SLC22A15: variants seen among roughly 807,000 people sequenced by gnomAD.
SLC22A15 encodes the protein solute carrier family 22 member 15, also known as flipt 1.
In SLC22A15, 45 loss-of-function variants were observed where a neutral mutation model predicts 62.7. The ratio of observed to expected loss-of-function variants is 0.72; its 90% CI spans 0.56 to 0.92. SLC22A15 has a LOEUF of 0.92. Ranked by LOEUF, SLC22A15 falls within the 40% of genes least tolerant of loss-of-function variation. The pLI is 0.00. For synonymous variants in SLC22A15, 264 were observed against 267.0 expected, an observed-to-expected ratio of 0.99 and a Z score of 0.11; for missense variants, 622 against 665.6, an observed-to-expected ratio of 0.93 and a Z score of 0.72.
intron 8 of SLC22A15, 33 bp from the exon 9 acceptor site, chr1:116,062,729 G>T: frequency 6.2e-7 from 1 of 1,612,724 alleles, no homozygotes. Context: ...TTTCAACTGT[G>T]GGTCTCACAG....
intron 1 of SLC22A15, among the ~76,000 whole-genome samples, chr1:115,985,820 G>A (rs1238078085): frequency 6.6e-6 from 1 of 151,614 alleles, no homozygotes; most frequent in African/African-American, 2.4e-5. Context: ...GGTGGCGGGT[G>A]CCTGTAATCC....
chr1:115,981,359 C>A (rs1654600588), intron 1 of SLC22A15, among the ~76,000 whole-genome samples: 1 of 152,206 alleles, frequency 6.6e-6, no homozygotes, highest in Admixed American at 6.5e-5. Flanking sequence ...TCAGTTTGAG[C>A]AAGTTTTATG....
At chr1:116,064,571 T>C in intron 10 of SLC22A15, 63 bp downstream of exon 10, 1 of 1,125,770 alleles carries the variant, frequency 8.9e-7, no homozygotes, top group South Asian at 1.3e-5. Flanking sequence ...CTTATGCTTT[T>C]TAGTAGAAAG....
intron 1 of SLC22A15, among the ~76,000 whole-genome samples, chr1:115,986,989 G>A (rs17035062): frequency 6.6e-6 from 1 of 152,116 alleles, no homozygotes; most frequent in Non-Finnish European, 1.5e-5. Context: ...AGTCATGTTA[G>A]GGGAATTGAA....
At chr1:115,995,142 G>GTA (rs1303236102) in intron 2 of SLC22A15, among the ~76,000 whole-genome samples, 1 of 152,074 alleles carries the variant, frequency 6.6e-6, no homozygotes, top group Non-Finnish European at 1.5e-5. Flanking sequence ...CCCTCTCAGG[G>GTA]TATCATATCA....
At chr1:116,014,104 T>C (rs1219670086) in intron 2 of SLC22A15, 6 of 152,134 alleles carry the variant, frequency 3.9e-5, no homozygotes. Context: ...AGAATATAAA[T>C]ATCAAAAAAA....
At chr1:115,996,092 C>T (rs1403142025) in intron 2 of SLC22A15, among the ~76,000 whole-genome samples, 1 of 152,118 alleles carries the variant, frequency 6.6e-6, no homozygotes, top group Admixed American at 6.6e-5. Flanking sequence ...ACTGATCTGC[C>T]TTCTTATACT....
intron 2 of SLC22A15, among the ~76,000 whole-genome samples, chr1:116,016,285 C>T (rs541550321): frequency 1.3e-3 from 194 of 151,936 alleles, no homozygotes; most frequent in African/African-American, 2.3e-3. Context: ...ACCTCCCAGG[C>T]TCACTGTAAT....
chr1:115,985,840 G>A (rs148077244), intron 1 of SLC22A15, among the ~76,000 whole-genome samples: 3,614 of 151,176 alleles, frequency 0.024, 146 homozygotes, highest in African/African-American at 0.084. Context: ...CCAGCTACTC[G>A]GGAGGCTGAG....
At chr1:116,066,896 G>T in intron 11 of SLC22A15, 123 bp from the exon 12 acceptor site, 1 of 944,998 alleles carries the variant, frequency 1.1e-6, no homozygotes, top group Non-Finnish European at 1.6e-6. Context: ...TATTTTAGGG[G>T]CTATTTCTTG....
At chr1:115,983,791 T>G (rs1654724388) in intron 1 of SLC22A15, among the ~76,000 whole-genome samples, 1 of 152,154 alleles carries the variant, frequency 6.6e-6, no homozygotes, top group South Asian at 2.1e-4. Context: ...TGCAGCCTCG[T>G]GACTGTGCCA....
Position 116,068,090 on chromosome 1 carries a change from C to T in SLC22A15, c.*982C>T, listed in dbSNP as rs758433245. On this transcript the variant is annotated 3_prime_UTR_variant, in exon 12 of 12. Transcript: ENST00000369503. ...GAGGGATTTGGACAATATTTAAGAA[C>T]TTCTTGTCCTAGATCAGCCCCAATC... The T allele has an allele frequency of 6.6e-6, 1 of 152,638 alleles. No homozygotes were observed. Among genetic ancestry groups the T allele is most frequent in the African/African-American group, 2.4e-5 (1 of 41,458 alleles). The allele number at this position is 152,638 out of a possible 1,614,324, so 9.5% of individuals were successfully genotyped here.
chr1:116,055,082 C>CA (rs1409328162), intron 8 of SLC22A15, among the ~76,000 whole-genome samples: 2 of 149,614 alleles, frequency 1.3e-5, no homozygotes, highest in Non-Finnish European at 1.5e-5. Flanking sequence ...AATAGAGACA[C>CA]AAAAAACCCT....
intron 8 of SLC22A15, among the ~76,000 whole-genome samples, chr1:116,058,907 A>G (rs2101560970): frequency 6.6e-6 from 1 of 152,316 alleles, no homozygotes. Context: ...TGTGGGAGCT[A>G]AGCTATGAGG....
chr1:116,024,665 A>G (rs975168388), intron 4 of SLC22A15, among the ~76,000 whole-genome samples: 2 of 152,192 alleles, frequency 1.3e-5, no homozygotes, highest in African/African-American at 2.4e-5. Flanking sequence ...CTAGACCATG[A>G]AGAACCAGGC....
At chr1:116,044,347 C>G (rs559258938) in intron 8 of SLC22A15, among the ~76,000 whole-genome samples, 2 of 152,318 alleles carry the variant, frequency 1.3e-5, no homozygotes, top group South Asian at 4.1e-4. Context: ...CGCCTGTAAT[C>G]CTAGCACTTT....
chr1:116,038,957 G>A (rs1426500187), intron 8 of SLC22A15, among the ~76,000 whole-genome samples: 1 of 151,984 alleles, frequency 6.6e-6, no homozygotes, highest in African/African-American at 2.4e-5. Context: ...TATCCCCTAG[G>A]ACTCTACATG....
At chr1:116,027,483 G>A (rs1192589810) in intron 5 of SLC22A15, 3 of 435,500 alleles carry the variant, frequency 6.9e-6, no homozygotes, top group Non-Finnish European at 1.4e-5. Flanking sequence ...AGATATAGGA[G>A]AAATCCTTAG....
intron 8 of SLC22A15, among the ~76,000 whole-genome samples, chr1:116,052,660 TGG>T (rs1176613266): frequency 6.6e-6 from 1 of 152,074 alleles, no homozygotes; most frequent in Non-Finnish European, 1.5e-5. Context: ...CACCTCCCAG[TGG>T]GGGCAGACTG....
Sources: allele counts gnomAD v4.1 joint callset (sites outside exome capture counted in the v4.1 genomes callset), GRCh38; gene constraint gnomAD v4.1.1; transcripts MANE v1.5; gene names NCBI Gene and HGNC (gene_info 2026-07-23, HGNC 2026-07-21).